The following PDE4D variants were observed in gnomAD, a reference collection of about 807,000 sequenced individuals.
The protein encoded by PDE4D is 3',5'-cyclic-AMP phosphodiesterase 4D.
In PDE4D, 24 loss-of-function variants were observed where a neutral mutation model predicts 87.4. That is an observed-to-expected ratio of 0.27 (90% CI 0.20 to 0.39). The LOEUF (loss-of-function observed/expected upper bound fraction) is 0.39. Among genes scored for constraint, PDE4D ranks in the 10% least tolerant of loss-of-function variants. PDE4D has a pLI of 1.00. For missense variants in PDE4D, 714 were observed against 1,041.0 expected (o/e 0.69, Z 4.32); for synonymous variants, 384 against 383.2 (o/e 1.00, Z -0.02).
intron 5 of PDE4D, among the ~76,000 whole-genome samples, chr5:59,139,387 C>A (rs773734769): frequency 6.6e-6 from 1 of 152,092 alleles, no homozygotes; most frequent in Non-Finnish European, 1.5e-5. Flanking sequence ...TACCAAAGAC[C>A]CTGGTCATTT....
intron 2 of PDE4D, among the ~76,000 whole-genome samples, chr5:60,000,611 A>G (rs1675601019): frequency 6.6e-6 from 1 of 152,238 alleles, no homozygotes; most frequent in Admixed American, 6.5e-5. Context: ...CTAGACAGCA[A>G]CACAAAGGAA....
chr5:60,163,580 C>T lies in PDE4D; in HGVS notation c.42+21977G>A, dbSNP rs1042475395. ...AAATTATACAATATATGTTCTCTTC[C>T]GATGATTATCATACTTGTGCTCATC... On this transcript the variant is annotated intron_variant, in intron 2 of 16. Transcript: ENST00000502484. Among the ~76,000 whole-genome samples the T allele has an allele frequency of 2.0e-5, 3 of 152,112 alleles. No homozygotes were observed. In the East Asian group the frequency reaches 5.8e-4, roughly 29 times the overall value.
In PDE4D at chr5:59,271,038, A is replaced by AT. The variant is rs200298144; in HGVS notation, c.456-55071dup. On this transcript the variant is annotated intron_variant, in intron 1 of 14. Coordinates refer to ENST00000340635, the MANE Select transcript of PDE4D (RefSeq NM_001104631.2). The stretch of plus-strand genomic sequence containing the variant: ...AAAGCTATAAGTATTAGAAAAATGG[A>AT]TTTTTTTTTTTTTTAAATTGAGACA... Among the ~76,000 whole-genome samples the AT allele has an allele frequency of 7.4e-3, 1,103 of 148,316 alleles. 8 individuals carry two copies. The highest frequency in any genetic ancestry group is 0.037 in the East Asian group (188 of 5,092).
At chr5:59,298,358 C>T (rs564730045) in intron 1 of PDE4D, among the ~76,000 whole-genome samples, 1 of 152,142 alleles carries the variant, frequency 6.6e-6, no homozygotes, top group South Asian at 2.1e-4. Context: ...TCAAGTGATC[C>T]ACCCATTTCA....
At chr5:59,221,914 C>G (rs539373612) in intron 1 of PDE4D, among the ~76,000 whole-genome samples, 2 of 152,242 alleles carry the variant, frequency 1.3e-5, no homozygotes, top group South Asian at 4.2e-4. Flanking sequence ...ATAACTTTTG[C>G]CAGAAGGCAG....
chr5:59,783,022 T>C (rs554019939), intron 1 of PDE4D, among the ~76,000 whole-genome samples: 5 of 152,288 alleles, frequency 3.3e-5, no homozygotes, highest in African/African-American at 9.6e-5. Flanking sequence ...TGAGTATGGA[T>C]GTGTTAATGT....
At chr5:59,216,022 T>C in intron 1 of PDE4D, 54 bp from the exon 2 acceptor site, 1 of 1,342,474 alleles carries the variant, frequency 7.4e-7, no homozygotes, top group Non-Finnish European at 1.0e-6. Flanking sequence ...ATGTTCATAT[T>C]TTCAAAAAGC....
At chr5:59,540,382 GAAA>G (rs1173063038) in intron 1 of PDE4D, among the ~76,000 whole-genome samples, 1 of 151,794 alleles carries the variant, frequency 6.6e-6, no homozygotes, top group Admixed American at 6.6e-5. Flanking sequence ...CCAAAAAACA[GAAA>G]AAAAGAGGGC....
intron 1 of PDE4D, among the ~76,000 whole-genome samples, chr5:60,518,564 A>C (rs1187818127): frequency 6.6e-6 from 1 of 152,232 alleles, no homozygotes; most frequent in Non-Finnish European, 1.5e-5. Context: ...ATGGGACTCT[A>C]TACAGTTTCC....
chr5:59,001,962 CGGCAT>C (rs1750629420), intron 6 of PDE4D: 1 of 451,700 alleles, frequency 2.2e-6, no homozygotes, highest in African/African-American at 2.0e-5. Flanking sequence ...TTGAGTAACC[CGGCAT>C]GTTCCCCTAT....
At chr5:59,434,846 A>G (rs1796585116) in intron 1 of PDE4D, among the ~76,000 whole-genome samples, 1 of 152,144 alleles carries the variant, frequency 6.6e-6, no homozygotes, top group Non-Finnish European at 1.5e-5. Flanking sequence ...TAACAATAAT[A>G]TTAATAGTCA....
chr5:60,401,513 C>T (rs1050515174), intron 1 of PDE4D, among the ~76,000 whole-genome samples: 11 of 152,196 alleles, frequency 7.2e-5, no homozygotes, highest in Non-Finnish European at 1.6e-4. Context: ...AGGATGGAGC[C>T]TCCCTCTCAC....
chr5:59,122,779 A>T (rs972106122), intron 5 of PDE4D, among the ~76,000 whole-genome samples: 1 of 152,208 alleles, frequency 6.6e-6, no homozygotes, highest in African/African-American at 2.4e-5. Context: ...CACCACCTCT[A>T]TCTAGTTCCA....
intron 1 of PDE4D, among the ~76,000 whole-genome samples, chr5:59,620,128 A>G (rs888296707): frequency 2.0e-5 from 3 of 152,130 alleles, no homozygotes; most frequent in Non-Finnish European, 4.4e-5. Flanking sequence ...TGTCCATGTG[A>G]CCAAGAGACA....
chr5:59,779,438 G>T lies in PDE4D; in HGVS notation c.455+113730C>A, dbSNP rs183553071. Among the ~76,000 whole-genome samples, 189 of 152,250 alleles carry T rather than the reference G, an allele frequency of 1.2e-3. 1 individual carries two copies. Among genetic ancestry groups the T allele is most frequent in the African/African-American group, 4.4e-3 (183 of 41,542 alleles). ...ATTAGGACGTGAAATGAGGCTCGTA[G>T]AAATGAGACATGAAATTTTTATTTT... On this transcript the variant is annotated intron_variant, in intron 1 of 14. Coordinates refer to ENST00000340635, the MANE Select transcript of PDE4D (RefSeq NM_001104631.2).
In PDE4D at chr5:60,054,335, T is replaced by C. The variant is rs568088555; in HGVS notation, c.43-65618A>G. 4.4e-4 allele frequency among the ~76,000 whole-genome samples: 67 copies of C among 152,176 alleles called. No individual in the cohort carries two copies. In the South Asian group the frequency reaches 0.013, roughly 30 times the overall value. ...TTAAGAAAATGTGGCATACATACCATGGAATACTATGCAGCCATAAAAAGG... is the reference window on the plus strand; with the variant it reads ...TTAAGAAAATGTGGCATACATACCACGGAATACTATGCAGCCATAAAAAGG... On this transcript the variant is annotated intron_variant, in intron 2 of 16. Transcript: ENST00000502484.
At chr5:59,869,865 C>T (rs159621) in intron 1 of PDE4D, among the ~76,000 whole-genome samples, 25,084 of 152,170 alleles carry the variant, frequency 0.16, 2,257 homozygotes, top group Middle Eastern at 0.27. Context: ...CTCCAATCCT[C>T]TGGTTCTAAA....
chr5:59,319,817 ATGAG>A (rs1287761180), intron 1 of PDE4D, among the ~76,000 whole-genome samples: 5 of 152,174 alleles, frequency 3.3e-5, no homozygotes, highest in Non-Finnish European at 7.4e-5. Context: ...ATGCTGCAGT[ATGAG>A]TTTTTCAATG....
chr5:59,157,166 T>A, intron 5 of PDE4D: 1 of 584,096 alleles, frequency 1.7e-6, no homozygotes, highest in Non-Finnish European at 3.0e-6. Flanking sequence ...TCACAATTTT[T>A]TTTTCTTTCT....
Sources: allele counts gnomAD v4.1 joint callset (sites outside exome capture counted in the v4.1 genomes callset), GRCh38; gene constraint gnomAD v4.1.1; transcripts MANE v1.5; gene names NCBI Gene and HGNC (gene_info 2026-07-23, HGNC 2026-07-21).